Variants in PDZD2 observed in about 807,000 individuals in gnomAD.
PDZD2 encodes PDZ domain containing 2.
A neutral mutation model predicts 220.7 loss-of-function variants in PDZD2; 90 were observed. The ratio of observed to expected loss-of-function variants is 0.41; its 90% CI spans 0.34 to 0.49. The LOEUF is 0.49. Among genes scored for constraint, PDZD2 ranks in the 20% least tolerant of loss-of-function variants. PDZD2 has a pLI of 0.28. For synonymous variants in PDZD2, 1,375 were observed against 1,450.5 expected, an observed-to-expected ratio of 0.95 and a Z score of 1.18; for missense variants, 3,174 against 3,608.5, an observed-to-expected ratio of 0.88 and a Z score of 3.08.
At chr5:31,975,820 T>TTTTG (rs1561238424) in intron 2 of PDZD2, among the ~76,000 whole-genome samples, 1 of 134,728 alleles carries the variant, frequency 7.4e-6, no homozygotes, top group African/African-American at 2.8e-5. Context: ...TTTTTTTTTT[T>TTTTG]TGAGACAAGG....
Position 32,090,679 on chromosome 5 carries a change from C to T in PDZD2, c.7231C>T (p.Leu2411=). The T allele has an allele frequency of 6.2e-7, 1 of 1,614,198 alleles. No homozygotes were observed. The highest frequency in any genetic ancestry group is 8.5e-7 in the Non-Finnish European group (1 of 1,180,050). Residue 2411 remains leucine (L), a synonymous_variant, in exon 20 of 25, where the codon CTG becomes TTG. Transcript: ENST00000438447. The surrounding 1 kb of genome is among the most constrained non-coding windows in gnomAD (Gnocchi z 4.3). ...SENQSEAGTL[L]PQMAKSPSIM... is the part of the protein sequence containing the mutation. ...AAACCAAAGCGAAGCCGGCACCCTC[C>T]TGCCCCAGATGGCCAAGTCTCCCTC...
chr5:31,778,774 G>A (rs1354155068), intron 1 of PDZD2, among the ~76,000 whole-genome samples: 2 of 152,124 alleles, frequency 1.3e-5, no homozygotes, highest in African/African-American at 2.4e-5. Flanking sequence ...GTGAGCCACC[G>A]CACCCAGCCA....
chr5:31,812,276 G>A (rs1314858679), intron 2 of PDZD2, among the ~76,000 whole-genome samples: 2 of 152,060 alleles, frequency 1.3e-5, no homozygotes, highest in Non-Finnish European at 2.9e-5. Context: ...AAAATTATCA[G>A]TATCCCAAGA....
At chr5:31,705,836 G>T (rs2150136087) in intron 1 of PDZD2, among the ~76,000 whole-genome samples, 1 of 152,326 alleles carries the variant, frequency 6.6e-6, no homozygotes, top group South Asian at 2.1e-4. Context: ...GATCACCTGA[G>T]GTGAGGAGTT....
intron 6 of PDZD2, among the ~76,000 whole-genome samples, chr5:32,020,059 A>ATT (rs962989331): frequency 1.5e-5 from 2 of 136,558 alleles, no homozygotes; most frequent in South Asian, 2.5e-4. Context: ...ATATATATAT[A>ATT]TTTTTTTAAT....
At chr5:31,653,785 T>G (rs1049534903) in intron 1 of PDZD2, among the ~76,000 whole-genome samples, 5 of 147,772 alleles carry the variant, frequency 3.4e-5, no homozygotes. Context: ...TCAGTATATG[T>G]TTTTTGTTTG....
chr5:32,073,702 G>C (rs1423093091), intron 17 of PDZD2, 130 bp from the exon 18 acceptor site: 1 of 701,248 alleles, frequency 1.4e-6, no homozygotes, highest in African/African-American at 1.8e-5. Flanking sequence ...CTTGTGTCCA[G>C]TGGCTGAGGC....
intron 2 of PDZD2, among the ~76,000 whole-genome samples, chr5:31,831,911 CAAAAAAAAAA>C (rs56394577): frequency 7.8e-4 from 50 of 63,742 alleles, no homozygotes; most frequent in African/African-American, 3.1e-3. Flanking sequence ...GAGACTGTTT[CAAAAAAAAAA>C]AAAAAAAAAA....
intron 2 of PDZD2, among the ~76,000 whole-genome samples, chr5:31,872,196 A>G (rs996316148): frequency 2.0e-5 from 3 of 147,158 alleles, no homozygotes; most frequent in African/African-American, 7.5e-5. Context: ...GGCTGCTGAC[A>G]ACTTGTGGGC....
chr5:31,957,313 T>G (rs953890560), intron 2 of PDZD2, among the ~76,000 whole-genome samples: 3 of 152,188 alleles, frequency 2.0e-5, no homozygotes, highest in Admixed American at 2.0e-4. Flanking sequence ...ACATCGCCAG[T>G]CACGCAGTGG....
intron 2 of PDZD2, among the ~76,000 whole-genome samples, chr5:31,819,924 T>A (rs1755725239): frequency 6.6e-6 from 1 of 152,248 alleles, no homozygotes; most frequent in Admixed American, 6.5e-5. Context: ...GAATTCTCTA[T>A]TATCCTTTTC....
At chr5:31,684,164 C>T (rs1351559055) in intron 1 of PDZD2, among the ~76,000 whole-genome samples, 4 of 152,192 alleles carry the variant, frequency 2.6e-5, no homozygotes. Context: ...TGAGCTCCAT[C>T]CTCCTGTAGC....
intron 2 of PDZD2, among the ~76,000 whole-genome samples, chr5:31,913,485 G>A (rs898958279): frequency 1.3e-5 from 2 of 152,144 alleles, no homozygotes; most frequent in Admixed American, 1.3e-4. Flanking sequence ...AAATACGAAG[G>A]CTAAGACCCT....
intron 2 of PDZD2, among the ~76,000 whole-genome samples, chr5:31,811,205 C>T (rs1428679417): frequency 2.0e-5 from 3 of 152,156 alleles, no homozygotes; most frequent in African/African-American, 4.8e-5. Context: ...AGGCTGGTCT[C>T]GAACTCTTGA....
intron 1 of PDZD2, among the ~76,000 whole-genome samples, chr5:31,694,418 A>G (rs1261752688): frequency 2.0e-5 from 3 of 150,722 alleles, no homozygotes; most frequent in African/African-American, 7.3e-5. Flanking sequence ...AACAAAAAAC[A>G]ATGCTTGCAG....
intron 14 of PDZD2, among the ~76,000 whole-genome samples, chr5:32,066,351 A>G (rs552939621): frequency 3.2e-3 from 487 of 152,266 alleles, no homozygotes; most frequent in South Asian, 0.012. Context: ...TCTCAAGTCA[A>G]TCAATCAGTC....
In PDZD2 at chr5:32,074,557, G is replaced by A; in HGVS notation, c.3451G>A (p.Asp1151Asn). The A allele has an allele frequency of 6.2e-7, 1 of 1,614,066 alleles. No homozygotes were observed. The highest frequency in any genetic ancestry group is 2.2e-5 in the East Asian group (1 of 44,876). Reference protein sequence around the residue: ...QTVNLTGRANDPCDLDSRVQA... With the variant: ...QTVNLTGRANNPCDLDSRVQA... ...AGTGAACCTGACTGGCAGAGCCAAT[G>A]ATCCATGCGATCTGGACTCGAGAGT... Residue 1151 changes from aspartate to asparagine, a missense_variant, in exon 18 of 25, where the codon GAT becomes AAT. By Grantham distance (23) the Asp-to-Asn change is conservative. Transcript: ENST00000438447.
intron 2 of PDZD2, among the ~76,000 whole-genome samples, chr5:31,915,880 C>T (rs1482713069): frequency 1.3e-5 from 2 of 152,010 alleles, no homozygotes; most frequent in Non-Finnish European, 2.9e-5. Flanking sequence ...AGCTTTGTTC[C>T]GAAATCTTTT....
At chr5:31,858,267 T>G (rs1758632074) in intron 2 of PDZD2, among the ~76,000 whole-genome samples, 1 of 147,492 alleles carries the variant, frequency 6.8e-6, no homozygotes, top group South Asian at 2.2e-4. Flanking sequence ...CCAGCCAGTT[T>G]CCTAGAGTTT....
Sources: gnomAD v4.1 joint callset for allele counts (sites outside exome capture counted in the v4.1 genomes callset) on GRCh38, gnomAD v4.1.1 for gene constraint, Gnocchi (gnomAD v3.1) non-coding constraint, MANE v1.5 for transcripts, NCBI Gene and HGNC (gene_info 2026-07-23, HGNC 2026-07-21) for gene names.